The following FSTL5 variants were observed in gnomAD, a reference collection of about 807,000 sequenced individuals.
FSTL5 encodes follistatin like 5, also known as follistatin-related protein 5.
FSTL5 carries 62 observed loss-of-function variants against 89.1 expected under a neutral mutation model. That is an observed-to-expected ratio of 0.70 (90% CI 0.57 to 0.86). The LOEUF is 0.86. FSTL5 is among the 40% of genes least tolerant of loss of function. The probability of loss-of-function intolerance (pLI) is 0.00; values close to 1 mark genes in which losing one functional copy is unlikely to be tolerated. For missense variants in FSTL5, 1,057 were observed against 1,001.6 expected (o/e 1.06, Z -0.75); for synonymous variants, 383 against 346.2 (o/e 1.11, Z -1.18).
intron 1 of FSTL5, among the ~76,000 whole-genome samples, chr4:162,136,780 G>A (rs1732537239): frequency 6.6e-6 from 1 of 151,906 alleles, no homozygotes; most frequent in Admixed American, 6.6e-5. Context: ...AACAGACTTA[G>A]ATGGTTAAAT....
chr4:161,647,401 A>C (rs1736189153), intron 7 of FSTL5, among the ~76,000 whole-genome samples: 1 of 152,108 alleles, frequency 6.6e-6, no homozygotes, highest in African/African-American at 2.4e-5. Context: ...CTTAGTAGTA[A>C]GTTTTGAAAT....
At chr4:161,622,806 C>T (rs1223893950) in intron 7 of FSTL5, among the ~76,000 whole-genome samples, 8 of 151,920 alleles carry the variant, frequency 5.3e-5, no homozygotes, top group Admixed American at 2.0e-4. Flanking sequence ...AGGTATACTC[C>T]ACATTACTTA....
chr4:161,430,256 C>G (rs952998309), intron 15 of FSTL5, among the ~76,000 whole-genome samples: 1 of 151,668 alleles, frequency 6.6e-6, no homozygotes, highest in African/African-American at 2.4e-5. Context: ...GAAATATCCT[C>G]AAAGGGCAAA....
intron 6 of FSTL5, among the ~76,000 whole-genome samples, chr4:161,678,401 C>G (rs1224433011): frequency 6.6e-6 from 1 of 151,708 alleles, no homozygotes; most frequent in African/African-American, 2.4e-5. Flanking sequence ...GTGAAATAAT[C>G]TTTTTGGTTT....
intron 7 of FSTL5, 62 bp downstream of exon 7, chr4:161,656,266 A>G: frequency 2.3e-6 from 2 of 861,886 alleles, no homozygotes. Flanking sequence ...CTGACATCAC[A>G]AAGTCTGGAG....
At chr4:161,610,296 G>A (rs2126634465) in intron 7 of FSTL5, among the ~76,000 whole-genome samples, 1 of 152,226 alleles carries the variant, frequency 6.6e-6, no homozygotes, top group East Asian at 1.9e-4. Context: ...AAAGCATGCT[G>A]TAAATCACAA....
At chr4:161,923,301 T>TAA (rs34772579) in intron 3 of FSTL5, among the ~76,000 whole-genome samples, 41 of 151,298 alleles carry the variant, frequency 2.7e-4, no homozygotes, top group Admixed American at 2.6e-3. Context: ...ATCTAAACTT[T>TAA]AAAAAAAATT....
At chr4:161,471,605 T>C (rs1733944430) in intron 13 of FSTL5, among the ~76,000 whole-genome samples, 1 of 152,200 alleles carries the variant, frequency 6.6e-6, no homozygotes, top group African/African-American at 2.4e-5. Flanking sequence ...TTAATATTTT[T>C]AGTAAGGTTT....
Position 161,385,374 on chromosome 4 carries a change from C to T in FSTL5, c.*373G>A. 4 of 172,174 alleles carry T rather than the reference C, an allele frequency of 2.3e-5. No individual in the cohort carries two copies. Among genetic ancestry groups the T allele is most frequent in the Admixed American group, 1.1e-4 (2 of 17,586 alleles). 10.7% of individuals were successfully genotyped at this position (172,174 alleles called of 1,614,324 possible). A position where few individuals can be genotyped will look rare whatever the true frequency, so the allele number is the denominator to read the frequency against. On this transcript the variant is annotated 3_prime_UTR_variant, in exon 16 of 16. Transcript: ENST00000306100. ...CCTTTTATTTCTTGTTTAATCATACCAAAAGGACAGAGAAAAAAAATAAAC... is the reference window on the plus strand; with the variant it reads ...CCTTTTATTTCTTGTTTAATCATACTAAAAGGACAGAGAAAAAAAATAAAC...
intron 3 of FSTL5, among the ~76,000 whole-genome samples, chr4:162,015,945 C>A (rs1428446777): frequency 1.3e-5 from 2 of 152,116 alleles, no homozygotes; most frequent in Non-Finnish European, 2.9e-5. Context: ...ACTCTACTTT[C>A]TTCAATTTCA....
intron 3 of FSTL5, among the ~76,000 whole-genome samples, chr4:161,995,889 C>T (rs1284373313): frequency 2.0e-5 from 3 of 151,616 alleles, no homozygotes; most frequent in African/African-American, 4.8e-5. Flanking sequence ...GATCACCCAT[C>T]AGAAACTTAA....
At chr4:162,142,415 A>G (rs895380210) in intron 1 of FSTL5, among the ~76,000 whole-genome samples, 2 of 152,174 alleles carry the variant, frequency 1.3e-5, no homozygotes, top group Admixed American at 1.3e-4. Context: ...GAAATGGTCT[A>G]GTAGATTTGA....
chr4:162,048,494 G>A (rs539372976), intron 2 of FSTL5, among the ~76,000 whole-genome samples: 137 of 152,056 alleles, frequency 9.0e-4, no homozygotes, highest in African/African-American at 3.1e-3. Flanking sequence ...TAATTATGGT[G>A]GTAAATCAGT....
At chr4:161,801,772 T>C (rs1579102805) in intron 4 of FSTL5, among the ~76,000 whole-genome samples, 1 of 151,530 alleles carries the variant, frequency 6.6e-6, no homozygotes, top group Admixed American at 6.6e-5. Flanking sequence ...CTCTACATAG[T>C]AGGCATTCTA....
chr4:162,009,612 C>A (rs1292879629), intron 3 of FSTL5, among the ~76,000 whole-genome samples: 1 of 151,936 alleles, frequency 6.6e-6, no homozygotes, highest in Admixed American at 6.6e-5. Context: ...GAAAATAATA[C>A]ATCTTAATAT....
At chr4:161,986,889 G>A (rs1342380532) in intron 3 of FSTL5, among the ~76,000 whole-genome samples, 1 of 152,094 alleles carries the variant, frequency 6.6e-6, no homozygotes, top group Non-Finnish European at 1.5e-5. Context: ...TTGAGGTTTA[G>A]GGAAAACTAC....
intron 3 of FSTL5, among the ~76,000 whole-genome samples, chr4:161,983,956 T>TA (rs1345010291): frequency 1.3e-5 from 2 of 152,066 alleles, no homozygotes; most frequent in African/African-American, 4.8e-5. Context: ...ACAATATCGG[T>TA]AAAAAACTTT....
intron 4 of FSTL5, among the ~76,000 whole-genome samples, chr4:161,886,591 G>A (rs1732814691): frequency 6.6e-6 from 1 of 152,180 alleles, no homozygotes; most frequent in Non-Finnish European, 1.5e-5. Context: ...TACAAAAGGA[G>A]TCAGTACTTT....
intron 7 of FSTL5, among the ~76,000 whole-genome samples, chr4:161,589,784 C>G (rs1733742129): frequency 6.6e-6 from 1 of 152,002 alleles, no homozygotes; most frequent in South Asian, 2.1e-4. Flanking sequence ...CCATATATTC[C>G]TAGGAGTCTA....
Sources: allele counts gnomAD v4.1 joint callset (sites outside exome capture counted in the v4.1 genomes callset), GRCh38; gene constraint gnomAD v4.1.1; transcripts MANE v1.5; gene names NCBI Gene and HGNC (gene_info 2026-07-23, HGNC 2026-07-21).